PHC2: variants seen among roughly 807,000 people sequenced by gnomAD.
PHC2 encodes the protein polyhomeotic homolog 2, also known as polyhomeotic-like protein 2.
In PHC2, 29 loss-of-function variants were observed where a neutral mutation model predicts 87.4. The observed-to-expected ratio is 0.33, with a 90% CI of 0.25 to 0.45. The LOEUF (loss-of-function observed/expected upper bound fraction) is 0.45, where lower values mean the gene tolerates loss of function less well. Ranked by LOEUF, PHC2 falls within the 20% of genes least tolerant of loss-of-function variation. The pLI is 1.00. For missense variants in PHC2, 857 were observed against 1,136.7 expected (o/e 0.75, Z 3.54); for synonymous variants, 438 against 461.7 (o/e 0.95, Z 0.66).
At chr1:33,339,847 T>C (rs1484800218) in intron 9 of PHC2, among the ~76,000 whole-genome samples, 1 of 152,248 alleles carries the variant, frequency 6.6e-6, no homozygotes, top group African/African-American at 2.4e-5. Context: ...TACTTACTGG[T>C]TGAGCATCCC....
chr1:33,392,528 T>C (rs1354968299), intron 1 of PHC2, among the ~76,000 whole-genome samples: 1 of 152,232 alleles, frequency 6.6e-6, no homozygotes, highest in Middle Eastern at 3.2e-3. Context: ...CTCTTGCTTC[T>C]AAAAAGCACT....
rs914835343 is a variant in PHC2, at chr1:33,365,023, T to A, written c.976+2093A>T. ...AAAGGCTGAGGAGGCCCCAGATTACTGTAAGAACTGAGAGGGACGATCTGG... is the reference window on the plus strand; with the variant it reads ...AAAGGCTGAGGAGGCCCCAGATTACAGTAAGAACTGAGAGGGACGATCTGG... On this transcript the variant is annotated intron_variant, in intron 7 of 14. Coordinates refer to ENST00000683057, the MANE Select transcript of PHC2 (RefSeq NM_001385109.1). 8.5e-5 allele frequency among the ~76,000 whole-genome samples: 13 copies of A among 152,320 alleles called. No individual in the cohort carries two copies. In the East Asian group the frequency reaches 2.5e-3, roughly 29 times the overall value.
chr1:33,338,567 ACT>A (rs988383465), intron 9 of PHC2, among the ~76,000 whole-genome samples: 3 of 152,216 alleles, frequency 2.0e-5, no homozygotes, highest in Non-Finnish European at 2.9e-5. Context: ...AGCTCAGCAC[ACT>A]GAGATTAATT....
At position 33,375,379 on chromosome 1, in the gene PHC2, C is replaced by T. The variant is rs761703005; in HGVS notation, c.161G>A (p.Arg54Gln). The change falls in exon 2 of 15, where the codon CGG becomes CAG. Residue 54 changes from arginine (R) to glutamine (Q), a missense_variant. Around this residue, in one of 3 missense-constraint regions of PHC2, gnomAD observed 832 missense variants for 1,081.8 expected, o/e 0.77. Coordinates refer to ENST00000683057, the MANE Select transcript of PHC2 (RefSeq NM_001385109.1). ...QISVYSGIPD[R>Q]QTVQVIQQAL... ...TTAGACTCTTACCTGCACGGTCTGCCGGTCTGGAATACCACTGTACACAGA... is the reference window on the plus strand; with the variant it reads ...TTAGACTCTTACCTGCACGGTCTGCTGGTCTGGAATACCACTGTACACAGA... The T allele has an allele frequency of 1.9e-6, 3 of 1,585,040 alleles. No homozygotes were observed. Among genetic ancestry groups the T allele is most frequent in the South Asian group, 1.1e-5 (1 of 87,436 alleles).
rs770591243 is a variant in PHC2 at position 33,367,268 on chromosome 1, G to A, written c.824C>T (p.Ser275Phe). 6.2e-7 allele frequency: 1 copy of A among 1,614,164 alleles called. No individual in the cohort carries two copies. The highest frequency in any genetic ancestry group is 2.2e-5 in the East Asian group (1 of 44,872). Residue 275 changes from serine (S) to phenylalanine (F), a missense_variant, in exon 7 of 15, where the codon TCC becomes TTC. By Grantham distance (155) the Ser-to-Phe change is radical (BLOSUM62 -2). Coordinates refer to ENST00000683057, the MANE Select transcript of PHC2 (RefSeq NM_001385109.1). The stretch of plus-strand genomic sequence containing the variant: ...TATGCCAGGCTTGGCACCTGCAGGG[G>A]AAGCCTGAGCAGTATTTCTGCTCTG... ...PAQSRNTAQA[S>F]PAGAKPGIAD...
At chr1:33,367,688 G>A (rs1019883259) in intron 6 of PHC2, among the ~76,000 whole-genome samples, 5 of 152,106 alleles carry the variant, frequency 3.3e-5, no homozygotes, top group African/African-American at 9.7e-5. Context: ...CCAGCTGGGC[G>A]GGCAGGGGTG....
chr1:33,344,387 A>G lies in PHC2; in HGVS notation c.1558+10014T>C, dbSNP rs115479461. Among the ~76,000 whole-genome samples the G allele has an allele frequency of 3.1e-3, 475 of 152,310 alleles. 6 individuals are homozygous for G. The highest frequency in any genetic ancestry group is 0.011 in the African/African-American group (460 of 41,562). On this transcript the variant is annotated intron_variant, in intron 9 of 14. Transcript: ENST00000683057. ...TGTCAGGGGAGACTGGGAGGAGGGAACACTAAGCCTCAGTTGTCCTGTCTA... is the reference window on the plus strand; with the variant it reads ...TGTCAGGGGAGACTGGGAGGAGGGAGCACTAAGCCTCAGTTGTCCTGTCTA...
intron 1 of PHC2, among the ~76,000 whole-genome samples, chr1:33,394,868 C>A (rs1649232011): frequency 6.6e-6 from 1 of 152,190 alleles, no homozygotes; most frequent in Non-Finnish European, 1.5e-5. Context: ...TCACGCCCAG[C>A]CAAAACAGCG....
chr1:33,385,664 T>G (rs186603469), intron 1 of PHC2, among the ~76,000 whole-genome samples: 2 of 152,266 alleles, frequency 1.3e-5, no homozygotes, highest in Admixed American at 1.3e-4. Context: ...AAACTCAAAG[T>G]TAGATTTTGA....
chr1:33,420,064 G>T (rs573802420), intron 1 of PHC2, among the ~76,000 whole-genome samples: 1 of 152,098 alleles, frequency 6.6e-6, no homozygotes, highest in Non-Finnish European at 1.5e-5. Context: ...TAATATATTT[G>T]GGTGGTCATT....
chr1:33,375,680 C>T, intron 1 of PHC2, 87 bp from the exon 2 acceptor site: 1 of 827,728 alleles, frequency 1.2e-6, no homozygotes, highest in South Asian at 2.3e-5. Flanking sequence ...CTGTGGGTTC[C>T]ACATCCATGG....
At chr1:33,388,318 AT>A (rs751211305) in intron 1 of PHC2, among the ~76,000 whole-genome samples, 1,606 of 126,106 alleles carry the variant, frequency 0.013, 8 homozygotes, top group Middle Eastern at 0.021. Context: ...AATGACAGCA[AT>A]TTTTTTTTTT....
rs539167474 is a variant in PHC2, at chr1:33,338,317, G to A, written c.1559-4025C>T. ...TTAAAAAAGATCTTGTTAAGAGAGA[G>A]AACACACTAAAAAACTCTTGCACCA... On this transcript the variant is annotated intron_variant, in intron 9 of 14. Coordinates refer to ENST00000683057, the MANE Select transcript of PHC2 (RefSeq NM_001385109.1). 2.6e-5 allele frequency among the ~76,000 whole-genome samples: 4 copies of A among 152,340 alleles called. No homozygotes were observed. In the South Asian group the frequency reaches 8.3e-4, roughly 32 times the overall value.
At position 33,325,648 on chromosome 1, in the gene PHC2, A is replaced by G. The variant is rs114121258; in HGVS notation, c.2426-629T>C. 4.4e-3 allele frequency: 1,406 copies of G among 318,402 alleles called. 2 individuals are homozygous for G. The highest frequency in any genetic ancestry group is 0.012 in the Middle Eastern group (10 of 822). The allele number at this position is 318,402 out of a possible 1,614,324, so 19.7% of individuals were successfully genotyped here. A position where few individuals can be genotyped will look rare whatever the true frequency, so the allele number is the denominator to read the frequency against. ...CTTAGACTAAGAGGAACTGGACACC[A>G]GGAGCCTCATACCAGGACTGCCCAG... On this transcript the variant is annotated intron_variant, in intron 14 of 14. Transcript: ENST00000683057.
chr1:33,325,773 T>A (rs904311150), intron 14 of PHC2: 2 of 420,630 alleles, frequency 4.8e-6, no homozygotes, highest in Admixed American at 5.4e-5. Context: ...TGGCAATAGG[T>A]AACTAATGCA....
At chr1:33,356,265 A>G (rs1381838943) in intron 7 of PHC2, among the ~76,000 whole-genome samples, 2 of 89,582 alleles carry the variant, frequency 2.2e-5, no homozygotes, top group Admixed American at 9.9e-5. Flanking sequence ...ATATATATAT[A>G]TATATATATA....
chr1:33,330,034 T>A, intron 13 of PHC2, 37 bp downstream of exon 13: 1 of 1,607,802 alleles, frequency 6.2e-7, no homozygotes, highest in Non-Finnish European at 8.5e-7. Context: ...CTGTGGGGAC[T>A]GTGGGGATGG....
In PHC2 at chr1:33,354,949, T is replaced by C; in HGVS notation, c.1281A>G (p.Thr427=). Reference sequence around the variant, plus strand: ...GTCCATTCTGAGGCCCAGTATCAGGTGTGGGAGGGTGACACTGCTGACTGC... The same window carrying C: ...GTCCATTCTGAGGCCCAGTATCAGGCGTGGGAGGGTGACACTGCTGACTGC... ...PGGSQQCHPP[T]PDTGPQNGHP... Residue 427 remains threonine, a synonymous_variant, in exon 8 of 15, where the codon ACA becomes ACG. Coordinates refer to ENST00000683057, the MANE Select transcript of PHC2 (RefSeq NM_001385109.1). 1 of 1,613,976 alleles carries C rather than the reference T, an allele frequency of 6.2e-7. No homozygotes were observed. Among genetic ancestry groups the C allele is most frequent in the East Asian group, 2.2e-5 (1 of 44,870 alleles).
chr1:33,325,458 T>C (rs1279584019), intron 14 of PHC2: 1 of 194,604 alleles, frequency 5.1e-6, no homozygotes, highest in Non-Finnish European at 1.1e-5. Flanking sequence ...GCCCTGGTGG[T>C]CCCCGGCCTC....
Sources: allele counts gnomAD v4.1 joint callset (sites outside exome capture counted in the v4.1 genomes callset), GRCh38; gene constraint gnomAD v4.1.1; regional missense constraint gnomAD v4.1.1; transcripts MANE v1.5; gene names NCBI Gene and HGNC (gene_info 2026-07-23, HGNC 2026-07-21).